AAK1: variants seen among roughly 807,000 people sequenced by gnomAD.
AAK1 encodes the protein AP2-associated protein kinase 1.
AAK1 carries 37 observed loss-of-function variants against 116.0 expected under a neutral mutation model. The ratio of observed to expected loss-of-function variants is 0.32; its 90% CI spans 0.25 to 0.42. The LOEUF (loss-of-function observed/expected upper bound fraction) is 0.42. Among genes scored for constraint, AAK1 ranks in the 10% least tolerant of loss-of-function variants. The probability of loss-of-function intolerance (pLI) is 1.00; values close to 1 mark genes in which losing one functional copy is unlikely to be tolerated. For synonymous variants in AAK1, 458 were observed against 439.9 expected (o/e 1.04, Z -0.51); for missense variants, 919 against 1,170.6 (o/e 0.79, Z 3.14).
intron 2 of AAK1, among the ~76,000 whole-genome samples, chr2:69,599,985 T>G (rs888185951): frequency 6.6e-6 from 1 of 151,132 alleles, no homozygotes; most frequent in Non-Finnish European, 1.5e-5. Context: ...TCTCACTATG[T>G]TGTCCAGGCT....
In AAK1 at chr2:69,493,701, G is replaced by T. The variant is rs1421024330; in HGVS notation, c.2365+2284C>A. 2.6e-5 allele frequency among the ~76,000 whole-genome samples: 4 copies of T among 152,312 alleles called. No homozygotes were observed. The South Asian group carries it at 6.2e-4, about 24-fold the overall frequency. On this transcript the variant is annotated intron_variant, in intron 17 of 21. Transcript: ENST00000409085. ...AAAGACAGACTATGTCCTGATAAGG[G>T]CTATGAAGAAAAAGTGCCAGGGGAT... is the stretch of plus-strand genomic sequence containing the variant.
At chr2:69,625,375 G>C (rs908228838) in intron 2 of AAK1, among the ~76,000 whole-genome samples, 2 of 152,180 alleles carry the variant, frequency 1.3e-5, no homozygotes, top group African/African-American at 4.8e-5. Context: ...CAGCAATCCA[G>C]GGCCATTTCA....
chr2:69,561,644 GT>G lies in AAK1; in HGVS notation c.164-4667del, dbSNP rs557346693. Among the ~76,000 whole-genome samples the G allele has an allele frequency of 1.1e-4, 16 of 152,264 alleles. No individual in the cohort carries two copies. In the South Asian group the frequency reaches 3.3e-3, roughly 32 times the overall value. ...ACAATCCACCCATTTTAGGTGTACA[GT>G]TTGATGAGTTTTCGCAACTGTATAT... On this transcript the variant is annotated intron_variant, in intron 2 of 21. Transcript: ENST00000409085.
intron 2 of AAK1, among the ~76,000 whole-genome samples, chr2:69,639,913 T>C (rs1417266099): frequency 1.3e-5 from 2 of 151,934 alleles, no homozygotes. Flanking sequence ...TGGTGAGGAC[T>C]CTGCAAAGAA....
intron 2 of AAK1, among the ~76,000 whole-genome samples, chr2:69,621,365 G>A (rs1476441525): frequency 6.6e-6 from 1 of 152,122 alleles, no homozygotes; most frequent in Non-Finnish European, 1.5e-5. Flanking sequence ...TGTAGTCCCA[G>A]CTACTCGGGA....
At chr2:69,542,874 A>G (rs565421404) in intron 4 of AAK1, among the ~76,000 whole-genome samples, 7 of 152,154 alleles carry the variant, frequency 4.6e-5, no homozygotes, top group Non-Finnish European at 7.3e-5. Flanking sequence ...AATGCATCAA[A>G]AACAGTTTCT....
rs939652958 is a variant in AAK1, at chr2:69,467,059, T to G, written c.*8810A>C. On this transcript the variant is annotated 3_prime_UTR_variant, in exon 22 of 22. Transcript: ENST00000409085. ...AATGTGGCTGCTTGATAAATGCAAGTTTACTTGATGACTTACATCACAAGC... is the reference window on the plus strand; with the variant it reads ...AATGTGGCTGCTTGATAAATGCAAGGTTACTTGATGACTTACATCACAAGC... 11 of 985,286 alleles carry G rather than the reference T, an allele frequency of 1.1e-5. No homozygotes were observed. The African/African-American group carries it at 1.9e-4, about 17-fold the overall frequency. 61.0% of individuals were successfully genotyped at this position (985,286 alleles called of 1,614,324 possible).
chr2:69,466,098 C>G lies in AAK1; in HGVS notation c.*9771G>C. On this transcript the variant is annotated 3_prime_UTR_variant, in exon 22 of 22. Coordinates refer to ENST00000409085, the MANE Select transcript of AAK1 (RefSeq NM_014911.5). ...CATGTCATCATTTGGAACCCTTGAG[C>G]TCCTGAAGGGAGCTATGGCAAAAAC... 1.5e-6 allele frequency: 2 copies of G among 1,290,864 alleles called. No homozygotes were observed. The highest frequency in any genetic ancestry group is 2.0e-6 in the Non-Finnish European group (2 of 988,880). 80.0% of individuals were successfully genotyped at this position (1,290,864 alleles called of 1,614,324 possible).
intron 2 of AAK1, among the ~76,000 whole-genome samples, chr2:69,563,570 A>C (rs2105100778): frequency 6.6e-6 from 1 of 152,310 alleles, no homozygotes; most frequent in South Asian, 2.1e-4. Flanking sequence ...TTTGGGAATG[A>C]AGTCCACTTG....
At position 69,513,004 on chromosome 2, in the gene AAK1, A is replaced by C. The variant is rs1478172317; in HGVS notation, c.1776+1467T>G. 1.3e-5 allele frequency among the ~76,000 whole-genome samples: 2 copies of C among 152,180 alleles called. 1 individual carries two copies. Among genetic ancestry groups the C allele is most frequent in the South Asian group, 4.1e-4 (2 of 4,826 alleles). On this transcript the variant is annotated intron_variant, in intron 13 of 21. Transcript: ENST00000409085. ...TTTCTAGTCTATGCCTCAGTTTCCA[A>C]TTCTGTAAAATGAGGAGGCTGAACT...
intron 16 of AAK1, among the ~76,000 whole-genome samples, chr2:69,497,636 A>T (rs540014897): frequency 6.6e-5 from 10 of 151,690 alleles, no homozygotes; most frequent in Non-Finnish European, 1.3e-4. Flanking sequence ...TTCAGTATTC[A>T]GTTTGTTCGT....
intron 2 of AAK1, among the ~76,000 whole-genome samples, chr2:69,576,509 A>G (rs979919122): frequency 6.6e-6 from 1 of 151,962 alleles, no homozygotes; most frequent in African/African-American, 2.4e-5. Context: ...CTCCACCCTC[A>G]AGTATACCCC....
At chr2:69,579,936 C>T (rs1349965287) in intron 2 of AAK1, among the ~76,000 whole-genome samples, 1 of 152,176 alleles carries the variant, frequency 6.6e-6, no homozygotes, top group Non-Finnish European at 1.5e-5. Flanking sequence ...CCAAACTCAA[C>T]ATGTTTAAAA....
Position 69,530,665 on chromosome 2 carries a change from A to T in AAK1, c.698T>A (p.Leu233Gln). Residue 233 changes from leucine (L) to glutamine (Q), a missense_variant, in exon 7 of 22, where the codon CTG becomes CAG. Leu to Gln is a moderately radical substitution (Grantham distance 113, BLOSUM62 -2). Coordinates refer to ENST00000409085, the MANE Select transcript of AAK1 (RefSeq NM_014911.5). Reference protein sequence around the residue: ...LSYRAPEMVNLYSGKIITTKA... With the variant: ...LSYRAPEMVNQYSGKIITTKA... ...CGTAGTGATGATTTTGCCACTGTAC[A>T]GGTTGACCATTTCTGGTGCTCGATA... is the stretch of plus-strand genomic sequence containing the variant. The T allele has an allele frequency of 6.2e-7, 1 of 1,613,832 alleles. No individual in the cohort carries two copies. The highest frequency in any genetic ancestry group is 8.5e-7 in the Non-Finnish European group (1 of 1,179,770).
chr2:69,579,701 C>G (rs889496641), intron 2 of AAK1, among the ~76,000 whole-genome samples: 2 of 152,180 alleles, frequency 1.3e-5, no homozygotes, highest in Non-Finnish European at 2.9e-5. Context: ...TAGAGTTGTT[C>G]GTCTTCCTCC....
intron 2 of AAK1, among the ~76,000 whole-genome samples, chr2:69,564,211 AAAAAG>A (rs1236120996): frequency 6.6e-6 from 1 of 152,234 alleles, no homozygotes; most frequent in African/African-American, 2.4e-5. Context: ...AGAAAAAAGA[AAAAAG>A]AAAAGAAAAG....
chr2:69,567,760 C>T (rs2105110946), intron 2 of AAK1, among the ~76,000 whole-genome samples: 1 of 152,252 alleles, frequency 6.6e-6, no homozygotes, highest in South Asian at 2.1e-4. Context: ...CCCTTCACCC[C>T]AGGGCAAGTG....
At chr2:69,478,151 G>A (rs1346543210) in intron 20 of AAK1, among the ~76,000 whole-genome samples, 1 of 152,190 alleles carries the variant, frequency 6.6e-6, no homozygotes, top group Non-Finnish European at 1.5e-5. Context: ...AACCTTGCAA[G>A]GACTGACTTT....
At chr2:69,550,573 G>T (rs1310807772) in intron 3 of AAK1, among the ~76,000 whole-genome samples, 1 of 151,736 alleles carries the variant, frequency 6.6e-6, no homozygotes, top group Non-Finnish European at 1.5e-5. Context: ...GAGTATAGAC[G>T]TGAGCCACTG....
Sources: gnomAD v4.1 joint callset for allele counts (sites outside exome capture counted in the v4.1 genomes callset) on GRCh38, gnomAD v4.1.1 for gene constraint, MANE v1.5 for transcripts, NCBI Gene and HGNC (gene_info 2026-07-23, HGNC 2026-07-21) for gene names.